WASHC2C: variants seen among roughly 807,000 people sequenced by gnomAD.
WASHC2C encodes Vaccinia Penetration Factor.
In WASHC2C, 73 loss-of-function variants were observed where a neutral mutation model predicts 142.2. That is an observed-to-expected ratio of 0.51 (90% CI 0.43 to 0.62). The LOEUF (loss-of-function observed/expected upper bound fraction) is 0.62, where lower values mean the gene tolerates loss of function less well. Among genes scored for constraint, WASHC2C ranks in the 20% least tolerant of loss-of-function variants. The pLI is 0.00. For synonymous variants in WASHC2C, 337 were observed against 565.5 expected, an observed-to-expected ratio of 0.60 and a Z score of 5.73; for missense variants, 969 against 1,531.7, an observed-to-expected ratio of 0.63 and a Z score of 6.13.
In WASHC2C at chr10:45,769,596, C is replaced by A. The variant is rs782166288; in HGVS notation, c.2017C>A (p.Leu673Ile). 9 of 1,611,922 alleles carry A rather than the reference C, an allele frequency of 5.6e-6. No individual in the cohort carries two copies. Among genetic ancestry groups the A allele is most frequent in the Non-Finnish European group, 8.5e-7 (1 of 1,179,852 alleles). The change falls in exon 20 of 31, where the codon CTT (leucine) becomes ATT (isoleucine). Residue 673 changes from leucine (L) to isoleucine (I), a missense_variant. Leu to Ile is a conservative substitution (Grantham distance 5). Transcript: ENST00000623400. ...SLFEEDKEDD[L>I]FAIAKDSQKK... ...CTTTGAGGAAGACAAAGAAGATGAT[C>A]TTTTTGCCATTGCCAAGGACAGGTG... is the stretch of plus-strand genomic sequence containing the variant.
At chr10:45,779,475 T>G (rs2057335762) in intron 23 of WASHC2C, among the ~76,000 whole-genome samples, 2 of 152,242 alleles carry the variant, frequency 1.3e-5, no homozygotes, top group South Asian at 4.1e-4. Context: ...TTTCTAACAT[T>G]CAGTTTAAGA....
Position 45,738,047 on chromosome 10 carries a change from T to A in WASHC2C, c.354+2T>A. 1 of 1,611,868 alleles carries A rather than the reference T, an allele frequency of 6.2e-7. No individual in the cohort carries two copies. Among genetic ancestry groups the A allele is most frequent in the Non-Finnish European group, 8.5e-7 (1 of 1,179,850 alleles). On this transcript the variant is annotated splice_donor_variant, in intron 4 of 30. Transcript: ENST00000623400. LOFTEE classifies it high-confidence loss of function. ...GCTGAGGCAGAAAAAACAGAGCAGG[T>A]ACTTGTATAAAATCACTCTTAGCTG...
At chr10:45,785,776 T>TC in intron 26 of WASHC2C, 145 bp downstream of exon 26, 2 of 1,422,838 alleles carry the variant, frequency 1.4e-6, no homozygotes, top group Non-Finnish European at 1.9e-6. Context: ...TCACTGCACT[T>TC]CCCCCGAGTC....
chr10:45,750,801 G>A lies in WASHC2C; in HGVS notation c.894G>A (p.Lys298=). 1.3e-6 allele frequency: 2 copies of A among 1,548,912 alleles called. No individual in the cohort carries two copies. The highest frequency in any genetic ancestry group is 1.7e-6 in the Non-Finnish European group (2 of 1,147,150). The change falls in exon 10 of 31, where the codon AAG becomes AAA. Residue 298 remains lysine, a synonymous_variant. Coordinates refer to ENST00000623400, the MANE Select transcript of WASHC2C (RefSeq NM_001330074.2). ...CAGATGAGCTGGCTGCCCGCATCAA[G>A]GGGGATGCCATGGGTCGAGTGGACG... ...SFADELAARI[K]GDAMGRVDEE...
intron 3 of WASHC2C, among the ~76,000 whole-genome samples, chr10:45,735,558 A>T (rs868919915): frequency 1.6e-4 from 25 of 152,190 alleles, no homozygotes; most frequent in African/African-American, 5.8e-4. Context: ...CCCCAGCAGG[A>T]TTATCTTACT....
chr10:45,789,437 G>A lies in WASHC2C; in HGVS notation c.3654G>A (p.Glu1218=), dbSNP rs2058264529. 2 of 1,612,044 alleles carry A rather than the reference G, an allele frequency of 1.2e-6. No homozygotes were observed. The highest frequency in any genetic ancestry group is 1.7e-6 in the Non-Finnish European group (2 of 1,179,870). The change falls in exon 29 of 31, where the codon GAG becomes GAA. Residue 1218 remains glutamate (E), a synonymous_variant. Coordinates refer to ENST00000623400, the MANE Select transcript of WASHC2C (RefSeq NM_001330074.2). The stretch of plus-strand genomic sequence containing the variant: ...CAGATCAGAAAGTCAAGAAGAATGA[G>A]ACAAAATCCAGTAGTCAGCAGGATG... ...LFTDQKVKKN[E]TKSSSQQDVI...
intron 23 of WASHC2C, among the ~76,000 whole-genome samples, chr10:45,779,534 A>G (rs1308824980): frequency 6.6e-6 from 1 of 152,218 alleles, no homozygotes; most frequent in African/African-American, 2.4e-5. Flanking sequence ...TCAGCAAACT[A>G]TTTCTATAAA....
intron 17 of WASHC2C, among the ~76,000 whole-genome samples, chr10:45,762,515 A>G (rs1335725682): frequency 2.0e-5 from 3 of 152,230 alleles, no homozygotes; most frequent in Non-Finnish European, 4.4e-5. Flanking sequence ...TTTAGAATCT[A>G]TCAGGTCTTA....
Position 45,773,336 on chromosome 10 carries a change from C to T in WASHC2C, c.2120C>T (p.Thr707Ile). The T allele has an allele frequency of 1.3e-6, 1 of 781,168 alleles. No individual in the cohort carries two copies. Among genetic ancestry groups the T allele is most frequent in the Non-Finnish European group, 2.1e-6 (1 of 476,480 alleles). The allele number at this position is 781,168 out of a possible 1,614,324, so 48.4% of individuals were successfully genotyped here. Residue 707 changes from threonine (T) to isoleucine (I), a missense_variant, in exon 21 of 31, where the codon ACA becomes ATA. Coordinates refer to ENST00000623400, the MANE Select transcript of WASHC2C (RefSeq NM_001330074.2). The part of the protein sequence containing the change: ...SGGSLFGSPP[T>I]SVPPATKKKE... ...GGCTCTCTGTTTGGCTCTCCTCCCA[C>T]ATCTGTTCCTCCTGCAACAAAGGTA...
At chr10:45,735,830 TA>T (rs1264744931) in intron 3 of WASHC2C, among the ~76,000 whole-genome samples, 2 of 152,280 alleles carry the variant, frequency 1.3e-5, no homozygotes, top group East Asian at 3.9e-4. Flanking sequence ...AAGGTTTGGG[TA>T]AGGGGCACTT....
intron 3 of WASHC2C, among the ~76,000 whole-genome samples, chr10:45,730,126 C>T (rs1338207456): frequency 7.4e-6 from 1 of 135,300 alleles, no homozygotes; most frequent in Non-Finnish European, 1.6e-5. Context: ...GGGTGGATCA[C>T]CTGAGGTTGG....
At chr10:45,753,990 G>T (rs1554876018) in intron 13 of WASHC2C, among the ~76,000 whole-genome samples, 1 of 151,670 alleles carries the variant, frequency 6.6e-6, no homozygotes, top group Non-Finnish European at 1.5e-5. Flanking sequence ...CGGGCTGCTA[G>T]CCTGGCTCTC....
In WASHC2C at chr10:45,771,539, C is replaced by A. The variant is rs1390260033; in HGVS notation, c.2040-1717C>A. The stretch of plus-strand genomic sequence containing the variant: ...CCATGAGTGTCCACTACCCCCACCC[C>A]ACACAAGGTCATAAATCTGGCAGTC... On this transcript the variant is annotated intron_variant, in intron 20 of 30. Transcript: ENST00000623400. The A allele has an allele frequency of 4.1e-6, 4 of 982,582 alleles. No homozygotes were observed. The Admixed American group carries it at 2.5e-4, about 61-fold the overall frequency. 60.9% of individuals were successfully genotyped at this position (982,582 alleles called of 1,614,324 possible). A position where few individuals can be genotyped will look rare whatever the true frequency, so the allele number is the denominator to read the frequency against.
At chr10:45,761,736 A>G (rs568252169) in intron 17 of WASHC2C, among the ~76,000 whole-genome samples, 6 of 152,316 alleles carry the variant, frequency 3.9e-5, no homozygotes, top group Admixed American at 3.9e-4. Flanking sequence ...CAAGAAAGGT[A>G]TCAGTTAAGG....
In WASHC2C at chr10:45,755,062, G is replaced by C. The variant is rs533187273; in HGVS notation, c.1367G>C (p.Gly456Ala). The change falls in exon 15 of 31, where the codon GGT becomes GCT. Residue 456 changes from glycine to alanine, a missense_variant. Gly to Ala is a moderately conservative substitution (Grantham distance 60). Coordinates refer to ENST00000623400, the MANE Select transcript of WASHC2C (RefSeq NM_001330074.2). ...ACTGGCCTCTTTGATGATGATGATG[G>C]TGATGATGATGACGACTTTTTCTCG... The part of the protein sequence containing the change: ...PPTGLFDDDD[G>A]DDDDDFFSAP... 1 of 1,611,586 alleles carries C rather than the reference G, an allele frequency of 6.2e-7. No homozygotes were observed. The highest frequency in any genetic ancestry group is 1.1e-5 in the South Asian group (1 of 90,980).
chr10:45,768,054 T>C (rs372425049), intron 19 of WASHC2C, among the ~76,000 whole-genome samples: 7 of 137,160 alleles, frequency 5.1e-5, no homozygotes, highest in South Asian at 4.8e-4. Context: ...GGCGAAACTC[T>C]GTCTCTACTA....
intron 20 of WASHC2C, chr10:45,771,874 A>G (rs1276478647): frequency 1.7e-5 from 11 of 635,246 alleles, no homozygotes; most frequent in Non-Finnish European, 2.2e-5. Context: ...GAGTCACCAT[A>G]TGACATAATA....
At chr10:45,737,512 A>AT (rs2051412239) in intron 3 of WASHC2C, 1 of 596,622 alleles carries the variant, frequency 1.7e-6, no homozygotes, top group Non-Finnish European at 3.0e-6. Flanking sequence ...TTTATCAGCC[A>AT]TTTTAAGCAA....
chr10:45,746,460 T>G, intron 7 of WASHC2C, 140 bp from the exon 8 acceptor site: 1 of 1,004,946 alleles, frequency 1.0e-6, no homozygotes, highest in Non-Finnish European at 1.6e-6. Context: ...TGACCAGTAG[T>G]CAGTACAAAG....
Sources: gnomAD v4.1 joint callset for allele counts (sites outside exome capture counted in the v4.1 genomes callset) on GRCh38, gnomAD v4.1.1 for gene constraint, MANE v1.5 for transcripts, NCBI Gene and HGNC (gene_info 2026-07-23, HGNC 2026-07-21) for gene names.